The following CTBP2 variants were observed in gnomAD, a reference collection of about 807,000 sequenced individuals.
The protein encoded by CTBP2 is C-terminal binding protein 2.
Under a neutral mutation model 80.3 loss-of-function variants are expected in CTBP2, and 30 were observed. The observed-to-expected ratio is 0.37, with a 90% confidence interval of 0.28 to 0.51. CTBP2 has a LOEUF of 0.51. Among genes scored for constraint, CTBP2 ranks in the 20% least tolerant of loss-of-function variants. The pLI is 0.93. For synonymous variants in CTBP2, 594 were observed against 587.4 expected, an observed-to-expected ratio of 1.01 and a Z score of -0.16; for missense variants, 1,212 against 1,375.3, an observed-to-expected ratio of 0.88 and a Z score of 1.88.
chr10:125,042,149 C>T (rs1960016947), intron 2 of CTBP2, among the ~76,000 whole-genome samples: 1 of 152,200 alleles, frequency 6.6e-6, no homozygotes, highest in Non-Finnish European at 1.5e-5. Context: ...TCAATCCTCT[C>T]CCCCGATATC....
chr10:125,103,790 A>C (rs899499146), intron 2 of CTBP2, among the ~76,000 whole-genome samples: 1 of 152,136 alleles, frequency 6.6e-6, no homozygotes, highest in Non-Finnish European at 1.5e-5. Flanking sequence ...ACAAACCTGC[A>C]GTGTCCGGGA....
intron 2 of CTBP2, among the ~76,000 whole-genome samples, chr10:125,091,241 G>C (rs1848719425): frequency 6.6e-6 from 1 of 152,158 alleles, no homozygotes; most frequent in Non-Finnish European, 1.5e-5. Context: ...CTGCCATATC[G>C]AATGGGAATG....
At chr10:125,053,286 A>G (rs1219145672) in intron 2 of CTBP2, among the ~76,000 whole-genome samples, 2 of 152,124 alleles carry the variant, frequency 1.3e-5, no homozygotes, top group Non-Finnish European at 2.9e-5. Context: ...TGTCAACACA[A>G]AGGACATGGG....
chr10:125,132,560 G>A (rs937815438), intron 1 of CTBP2, among the ~76,000 whole-genome samples: 8 of 152,102 alleles, frequency 5.3e-5, no homozygotes, highest in Admixed American at 1.3e-4. Flanking sequence ...TCAGCACCTG[G>A]TAGAGTCCTA....
intron 2 of CTBP2, among the ~76,000 whole-genome samples, chr10:125,087,097 CAG>C (rs1427076363): frequency 7.1e-6 from 1 of 140,822 alleles, no homozygotes; most frequent in African/African-American, 2.7e-5. Flanking sequence ...TTTTTTGAGA[CAG>C]AGTCTCGTTC....
chr10:125,110,298 C>CT (rs1393058943), intron 2 of CTBP2, among the ~76,000 whole-genome samples: 1 of 152,204 alleles, frequency 6.6e-6, no homozygotes, highest in Non-Finnish European at 1.5e-5. Context: ...GAAGTTGCCA[C>CT]TTTGAGACTT....
intron 1 of CTBP2, among the ~76,000 whole-genome samples, chr10:125,014,166 C>T (rs1261766542): frequency 6.6e-6 from 1 of 152,202 alleles, no homozygotes; most frequent in East Asian, 1.9e-4. Flanking sequence ...TGTGTGCTGG[C>T]CCCACTCCCC....
chr10:125,078,784 T>G (rs1362579880), intron 2 of CTBP2, among the ~76,000 whole-genome samples: 1 of 152,138 alleles, frequency 6.6e-6, no homozygotes, highest in Non-Finnish European at 1.5e-5. Context: ...AATAATGTTC[T>G]TTCTTTTTCC....
chr10:125,141,829 A>G (rs890862069), intron 1 of CTBP2, among the ~76,000 whole-genome samples: 7 of 152,178 alleles, frequency 4.6e-5, no homozygotes, highest in African/African-American at 1.7e-4. Context: ...CGCGGCAAAC[A>G]CACGACATGC....
intron 1 of CTBP2, among the ~76,000 whole-genome samples, chr10:125,016,026 A>AT (rs1956443083): frequency 7.2e-6 from 1 of 139,758 alleles, no homozygotes; most frequent in African/African-American, 2.7e-5. Context: ...TGCGCTGGGT[A>AT]CCCGGATCCC....
chr10:125,054,858 T>C (rs1963550200), intron 2 of CTBP2, among the ~76,000 whole-genome samples: 1 of 152,316 alleles, frequency 6.6e-6, no homozygotes, highest in East Asian at 1.9e-4. Flanking sequence ...TATATCCACT[T>C]CTGTAAACTC....
Position 125,026,675 on chromosome 10 carries a change from C to T in CTBP2, c.1085G>A (p.Gly362Asp), listed in dbSNP as rs1277010555. 11 of 1,604,330 alleles carry T rather than the reference C, an allele frequency of 6.9e-6. No homozygotes were observed. The highest frequency in any genetic ancestry group is 6.7e-5 in the African/African-American group (5 of 74,668). The change falls in exon 1 of 9, where the codon GGC (glycine) becomes GAC (aspartate). Residue 362 changes from glycine (G) to aspartate (D), a missense_variant. Coordinates refer to ENST00000309035, the MANE Select transcript of CTBP2 (RefSeq NM_022802.3). ...GCTGGACCGCGCCCGGGGCAGCGGGCCCCCCCGGTCCTGCCTCCGCAGCTG... is the reference window on the plus strand; with the variant it reads ...GCTGGACCGCGCCCGGGGCAGCGGGTCCCCCCGGTCCTGCCTCCGCAGCTG...
intron 2 of CTBP2, among the ~76,000 whole-genome samples, chr10:125,052,669 T>C (rs1963054012): frequency 6.6e-6 from 1 of 152,094 alleles, no homozygotes; most frequent in Non-Finnish European, 1.5e-5. Context: ...AAACGGATGG[T>C]GATTGTGCCT....
intron 1 of CTBP2, among the ~76,000 whole-genome samples, chr10:125,014,702 C>G (rs1191474331): frequency 1.3e-5 from 2 of 152,236 alleles, no homozygotes; most frequent in South Asian, 2.1e-4. Flanking sequence ...CCAGAAAGCA[C>G]TGACTTGGAA....
chr10:125,062,901 C>A (rs1965267185), intron 2 of CTBP2, among the ~76,000 whole-genome samples: 2 of 152,240 alleles, frequency 1.3e-5, no homozygotes, highest in African/African-American at 4.8e-5. Flanking sequence ...TGAGGGCACC[C>A]AAGGAACAAC....
intron 1 of CTBP2, among the ~76,000 whole-genome samples, chr10:125,126,485 G>T (rs1185680937): frequency 6.6e-6 from 1 of 152,164 alleles, no homozygotes; most frequent in Non-Finnish European, 1.5e-5. Context: ...CATCCGCAAG[G>T]CCAGGCCCCA....
intron 1 of CTBP2, chr10:125,005,686 T>C (rs765630947): frequency 2.0e-5 from 33 of 1,612,822 alleles, no homozygotes; most frequent in Non-Finnish European, 2.8e-5. Context: ...GCTCCTGTTT[T>C]CTGCTAAGAA....
Position 124,985,844 on chromosome 10 carries a change from C to T in CTBP2, c.*3674G>A, listed in dbSNP as rs910135692. The T allele has an allele frequency of 2.0e-5, 3 of 152,198 alleles. No individual in the cohort carries two copies. The highest frequency in any genetic ancestry group is 4.4e-5 in the Non-Finnish European group (3 of 68,030). 9.4% of individuals were successfully genotyped at this position (152,198 alleles called of 1,614,324 possible). On this transcript the variant is annotated 3_prime_UTR_variant, in exon 9 of 9. Coordinates refer to ENST00000309035, the MANE Select transcript of CTBP2 (RefSeq NM_022802.3). ...GTGTGAAATGTGCTCACTTGGACTC[C>T]ATCAACAATGTGCTGCTCCCAGATT...
rs764582568 is a variant in CTBP2, at chr10:124,993,224, G to A, written c.2637C>T (p.Thr879=). 3.8e-6 allele frequency: 6 copies of A among 1,599,422 alleles called. No homozygotes were observed. Among genetic ancestry groups the A allele is most frequent in the East Asian group, 4.5e-5 (2 of 44,494 alleles). Residue 879 remains threonine, a synonymous_variant, in exon 7 of 9, where the codon ACC becomes ACT. Transcript: ENST00000309035. The stretch of plus-strand genomic sequence containing the variant: ...CACCTGTGATGGCTCGGCGGATCTC[G>A]GTGGCAGCTGCCTCCCTCATCTCCA...
Sources: allele counts gnomAD v4.1 joint callset (sites outside exome capture counted in the v4.1 genomes callset), GRCh38; gene constraint gnomAD v4.1.1; transcripts MANE v1.5; gene names NCBI Gene and HGNC (gene_info 2026-07-23, HGNC 2026-07-21).